MAPRE3: variants seen among roughly 807,000 people sequenced by gnomAD.
MAPRE3 encodes the protein microtubule associated protein RP/EB family member 3, also known as microtubule-associated protein RP/EB family member 3.
MAPRE3 carries 2 observed loss-of-function variants against 30.5 expected under a neutral mutation model. The observed-to-expected ratio is 0.07, with a 90% confidence interval of 0.03 to 0.21. MAPRE3 has a LOEUF of 0.21. Among genes scored for constraint, MAPRE3 ranks in the 10% least tolerant of loss-of-function variants. The pLI is 1.00. For synonymous variants in MAPRE3, 110 were observed against 127.7 expected (o/e 0.86, Z 0.93); for missense variants, 204 against 351.8 (o/e 0.58, Z 3.36).
chr2:26,997,402 A>G (rs752294214), intron 1 of MAPRE3, among the ~76,000 whole-genome samples: 1 of 151,768 alleles, frequency 6.6e-6, no homozygotes, highest in Non-Finnish European at 1.5e-5. Flanking sequence ...GTGTTAGCGT[A>G]TGTTATGTGT....
At chr2:27,005,757 A>C (rs1666710906) in intron 1 of MAPRE3, among the ~76,000 whole-genome samples, 1 of 152,148 alleles carries the variant, frequency 6.6e-6, no homozygotes, top group Non-Finnish European at 1.5e-5. Context: ...AATGAATAGA[A>C]ATAGGTGAGG....
At chr2:27,007,441 A>C (rs1666755908) in intron 1 of MAPRE3, among the ~76,000 whole-genome samples, 1 of 152,248 alleles carries the variant, frequency 6.6e-6, no homozygotes, top group African/African-American at 2.4e-5. Context: ...GGTCTGTCAG[A>C]AGTAAAGGAT....
chr2:27,020,432 G>T (rs1023447844), intron 1 of MAPRE3, among the ~76,000 whole-genome samples: 2 of 152,144 alleles, frequency 1.3e-5, no homozygotes, highest in Admixed American at 6.5e-5. Flanking sequence ...CAGTCCTTTT[G>T]ACCTATCTTG....
chr2:26,980,421 A>G (rs183269697), intron 1 of MAPRE3, among the ~76,000 whole-genome samples: 160 of 152,376 alleles, frequency 1.1e-3, no homozygotes, highest in African/African-American at 3.8e-3. Context: ...AAATTGTAGT[A>G]TGTGGTTCTT....
At chr2:26,971,315 C>T (rs1405519332) in intron 1 of MAPRE3, among the ~76,000 whole-genome samples, 1 of 152,252 alleles carries the variant, frequency 6.6e-6, no homozygotes, top group Admixed American at 6.5e-5. Context: ...TCCCCACACG[C>T]TCCTGCCTGG....
At chr2:27,001,926 G>A (rs1376627957) in intron 1 of MAPRE3, 4 of 152,252 alleles carry the variant, frequency 2.6e-5, no homozygotes, top group Non-Finnish European at 5.9e-5. Flanking sequence ...CCTGTCAACA[G>A]TGGCTTGAAC....
chr2:26,995,829 G>GTGTGTATA (rs1335864863), intron 1 of MAPRE3, among the ~76,000 whole-genome samples: 7 of 147,008 alleles, frequency 4.8e-5, no homozygotes, highest in African/African-American at 1.6e-4. Context: ...GTGTGTGTGT[G>GTGTGTATA]TATGTGTGTG....
chr2:26,994,761 G>A lies in MAPRE3; in HGVS notation c.-8+23959G>A, dbSNP rs535869427. Among the ~76,000 whole-genome samples, 3 of 149,900 alleles carry A rather than the reference G, an allele frequency of 2.0e-5. 1 individual carries two copies. The South Asian group carries it at 6.3e-4, about 32-fold the overall frequency. On this transcript the variant is annotated intron_variant, in intron 1 of 6. Transcript: ENST00000233121. ...TGATAGGTAATCCTGTCTATAACAT[G>A]TAGATACTTATTAACTCATTAGCAG...
At chr2:26,976,166 A>G (rs1299713625) in intron 1 of MAPRE3, among the ~76,000 whole-genome samples, 1 of 152,240 alleles carries the variant, frequency 6.6e-6, no homozygotes, top group Non-Finnish European at 1.5e-5. Context: ...GTTCTAGGTC[A>G]GACCTGGCTG....
chr2:27,025,436 G>C (rs1306855398), intron 4 of MAPRE3, 147 bp from the exon 5 acceptor site: 6 of 777,328 alleles, frequency 7.7e-6, no homozygotes, highest in South Asian at 1.9e-5. Context: ...GGGCCTAGCT[G>C]TAGATGCCCT....
intron 1 of MAPRE3, among the ~76,000 whole-genome samples, chr2:26,977,792 C>CCA (rs1310634971): frequency 3.3e-5 from 5 of 151,772 alleles, no homozygotes; most frequent in East Asian, 3.9e-4. Context: ...TCTTTCCCAT[C>CCA]CACACACACA....
At chr2:27,004,705 T>C (rs1466785085) in intron 1 of MAPRE3, among the ~76,000 whole-genome samples, 1 of 148,444 alleles carries the variant, frequency 6.7e-6, no homozygotes, top group African/African-American at 2.5e-5. Context: ...TTAGAGCAAA[T>C]TACTAGAATA....
intron 1 of MAPRE3, among the ~76,000 whole-genome samples, chr2:26,991,011 T>C (rs976578649): frequency 2.6e-5 from 4 of 152,204 alleles, no homozygotes; most frequent in Non-Finnish European, 4.4e-5. Context: ...CCCAGCACTT[T>C]GGGAGGCCGA....
chr2:27,026,205 C>T, intron 6 of MAPRE3, 75 bp from the exon 7 acceptor site: 1 of 1,456,662 alleles, frequency 6.9e-7, no homozygotes, highest in Non-Finnish European at 9.5e-7. Context: ...CCTTGCTCTT[C>T]AGCTACTTAC....
At chr2:26,979,355 G>C (rs564016657) in intron 1 of MAPRE3, among the ~76,000 whole-genome samples, 1 of 152,202 alleles carries the variant, frequency 6.6e-6, no homozygotes, top group Admixed American at 6.5e-5. Context: ...GGAGGCCAAG[G>C]GGGGAGGATC....
At chr2:26,994,173 T>C (rs1386691861) in intron 1 of MAPRE3, among the ~76,000 whole-genome samples, 1 of 152,244 alleles carries the variant, frequency 6.6e-6, no homozygotes, top group Non-Finnish European at 1.5e-5. Flanking sequence ...TTTGATCTGA[T>C]AACTTAATTA....
chr2:27,025,921 A>G lies in MAPRE3; in HGVS notation c.666A>G (p.Glu222=). 1 of 1,614,188 alleles carries G rather than the reference A, an allele frequency of 6.2e-7. No individual in the cohort carries two copies. The highest frequency in any genetic ancestry group is 8.5e-7 in the Non-Finnish European group (1 of 1,180,024). ...TGACAGTGGATGGGCTGGAGAAGGAACGTGACTTCTACTTCAGCAAACTTC... is the reference window on the plus strand; with the variant it reads ...TGACAGTGGATGGGCTGGAGAAGGAGCGTGACTTCTACTTCAGCAAACTTC... The part of the protein sequence containing the change: ...LKLTVDGLEK[E]RDFYFSKLRD... The change falls in exon 6 of 7, where the codon GAA becomes GAG. Residue 222 remains glutamate (E), a synonymous_variant. Coordinates refer to ENST00000233121, the MANE Select transcript of MAPRE3 (RefSeq NM_012326.4).
At chr2:27,001,429 C>T (rs1286479490) in intron 1 of MAPRE3, among the ~76,000 whole-genome samples, 1 of 152,090 alleles carries the variant, frequency 6.6e-6, no homozygotes, top group Non-Finnish European at 1.5e-5. Flanking sequence ...TCACTTGAGT[C>T]CAGGAGTTAG....
chr2:27,020,760 G>A (rs566063050), intron 1 of MAPRE3, among the ~76,000 whole-genome samples: 1 of 152,228 alleles, frequency 6.6e-6, no homozygotes, highest in Non-Finnish European at 1.5e-5. Flanking sequence ...ATGACTGCTG[G>A]CTGAAAGGAC....
Sources: gnomAD v4.1 joint callset for allele counts (sites outside exome capture counted in the v4.1 genomes callset) on GRCh38, gnomAD v4.1.1 for gene constraint, MANE v1.5 for transcripts, NCBI Gene and HGNC (gene_info 2026-07-23, HGNC 2026-07-21) for gene names.